PRKG1: variants seen among roughly 807,000 people sequenced by gnomAD.
PRKG1 encodes the protein protein kinase cGMP-dependent 1.
Under a neutral mutation model 88.1 loss-of-function variants are expected in PRKG1, and 35 were observed. The ratio of observed to expected loss-of-function variants is 0.40; its 90% CI spans 0.30 to 0.53. PRKG1 has a LOEUF of 0.53. Among genes scored for constraint, PRKG1 ranks in the 20% least tolerant of loss-of-function variants. PRKG1 has a pLI of 0.59. For missense variants in PRKG1, 540 were observed against 839.8 expected, an observed-to-expected ratio of 0.64 and a Z score of 4.41; for synonymous variants, 303 against 292.5, an observed-to-expected ratio of 1.04 and a Z score of -0.37.
intron 2 of PRKG1, among the ~76,000 whole-genome samples, chr10:51,189,549 C>A (rs374573781): frequency 6.6e-6 from 1 of 151,778 alleles, no homozygotes; most frequent in Admixed American, 6.6e-5. Flanking sequence ...GCTCTAAAAC[C>A]CATATTTATA....
chr10:52,086,790 C>A (rs931748854), intron 7 of PRKG1, among the ~76,000 whole-genome samples: 1 of 152,216 alleles, frequency 6.6e-6, no homozygotes, highest in South Asian at 2.1e-4. Flanking sequence ...TAAATACATA[C>A]CCTAAACTGG....
At chr10:51,982,056 G>A (rs1844023827) in intron 5 of PRKG1, among the ~76,000 whole-genome samples, 1 of 152,034 alleles carries the variant, frequency 6.6e-6, no homozygotes. Flanking sequence ...TTATTTCAGA[G>A]AGCCAGTCTT....
chr10:52,092,483 C>T (rs1211424894), intron 7 of PRKG1, among the ~76,000 whole-genome samples: 1 of 152,040 alleles, frequency 6.6e-6, no homozygotes, highest in Non-Finnish European at 1.5e-5. Flanking sequence ...GATGTGGAAG[C>T]TGCTGATATT....
At chr10:52,129,347 A>G (rs1837193155) in intron 7 of PRKG1, among the ~76,000 whole-genome samples, 1 of 152,220 alleles carries the variant, frequency 6.6e-6, no homozygotes, top group African/African-American at 2.4e-5. Context: ...TAAAAGATAT[A>G]AACATACATA....
At chr10:52,025,812 A>G (rs1049749529) in intron 5 of PRKG1, among the ~76,000 whole-genome samples, 1 of 151,758 alleles carries the variant, frequency 6.6e-6, no homozygotes, top group Non-Finnish European at 1.5e-5. Flanking sequence ...TTTTGATTCC[A>G]TATGAACTTT....
At chr10:51,287,900 G>A (rs1040419383) in intron 2 of PRKG1, among the ~76,000 whole-genome samples, 1 of 152,070 alleles carries the variant, frequency 6.6e-6, no homozygotes, top group South Asian at 2.1e-4. Context: ...TACTCCTACA[G>A]CATAAGATAA....
intron 3 of PRKG1, among the ~76,000 whole-genome samples, chr10:51,617,456 T>C (rs1251470345): frequency 6.6e-6 from 1 of 152,142 alleles, no homozygotes; most frequent in Non-Finnish European, 1.5e-5. Flanking sequence ...TACCAGCACC[T>C]ATCTGCATGT....
chr10:51,392,514 G>A (rs932684544), intron 2 of PRKG1, among the ~76,000 whole-genome samples: 1 of 152,104 alleles, frequency 6.6e-6, no homozygotes, highest in South Asian at 2.1e-4. Context: ...AAAATGAAAA[G>A]TCTCCCATGT....
At chr10:51,095,147 A>G (rs571329283) in intron 1 of PRKG1, among the ~76,000 whole-genome samples, 236 of 152,280 alleles carry the variant, frequency 1.5e-3, no homozygotes, top group Admixed American at 3.6e-3. Context: ...TATGATCTAT[A>G]GTAACATCAC....
chr10:51,956,159 A>C (rs1430706941), intron 5 of PRKG1, among the ~76,000 whole-genome samples: 1 of 152,128 alleles, frequency 6.6e-6, no homozygotes, highest in Non-Finnish European at 1.5e-5. Context: ...TGCAAATGTC[A>C]GTAAAAATTT....
chr10:51,013,481 C>G (rs950224490), intron 1 of PRKG1, among the ~76,000 whole-genome samples: 15 of 152,196 alleles, frequency 9.9e-5, no homozygotes, highest in African/African-American at 3.6e-4. Flanking sequence ...ACCTTCACCT[C>G]TTGGATACAA....
chr10:52,134,485 C>T (rs929196693), intron 8 of PRKG1, among the ~76,000 whole-genome samples: 1 of 152,102 alleles, frequency 6.6e-6, no homozygotes, highest in Non-Finnish European at 1.5e-5. Flanking sequence ...TTCTGGCTTG[C>T]TCTTTTCATT....
Position 51,553,374 on chromosome 10 carries a change from G to C in PRKG1, c.592+85538G>C, listed in dbSNP as rs143616786. ...TATTTGGCCATGGGAAAATAGTATA[G>C]GTGGTTTTCATGCTTTTTTGTGTGT... On this transcript the variant is annotated intron_variant, in intron 3 of 17. Transcript: ENST00000373980. 7.1e-3 allele frequency among the ~76,000 whole-genome samples: 1,073 copies of C among 151,734 alleles called. 17 individuals are homozygous for C. Among genetic ancestry groups the C allele is most frequent in the Middle Eastern group, 0.048 (14 of 294 alleles).
intron 1 of PRKG1, among the ~76,000 whole-genome samples, chr10:51,055,692 C>T (rs941999058): frequency 3.3e-5 from 5 of 151,716 alleles, no homozygotes; most frequent in Admixed American, 1.3e-4. Flanking sequence ...GAGGGGAGAT[C>T]GTGCCACTGC....
At chr10:52,030,611 C>T (rs188578433) in intron 5 of PRKG1, among the ~76,000 whole-genome samples, 1 of 152,212 alleles carries the variant, frequency 6.6e-6, no homozygotes, top group Admixed American at 6.5e-5. Flanking sequence ...AACAGTTTGG[C>T]AGCAAGGGAA....
intron 4 of PRKG1, among the ~76,000 whole-genome samples, chr10:51,901,466 A>G (rs1161229883): frequency 6.6e-6 from 1 of 152,212 alleles, no homozygotes; most frequent in Non-Finnish European, 1.5e-5. Flanking sequence ...ATGCAGTGCA[A>G]TAATTTCTTT....
In PRKG1 at chr10:51,394,815, G is replaced by T. The variant is rs115225669; in HGVS notation, c.479-72908G>T. ...GTGAAATAACTGGGGTATCAATCAA[G>T]GGCTCAAACCCAGAAGGTCTTCTTC... On this transcript the variant is annotated intron_variant, in intron 2 of 17. Coordinates refer to ENST00000373980, the MANE Select transcript of PRKG1 (RefSeq NM_006258.4). 2.8e-3 allele frequency among the ~76,000 whole-genome samples: 428 copies of T among 152,258 alleles called. 2 individuals carry two copies. Among genetic ancestry groups the T allele is most frequent in the African/African-American group, 9.9e-3 (413 of 41,556 alleles).
At position 52,268,588 on chromosome 10, in the gene PRKG1, A is replaced by T. The variant is rs200913131; in HGVS notation, c.1174-2762A>T. ...TATCTCACAGTCCATGAGTTAGTCG[A>T]TTCCGTTAAACTCTGATTTGCAAAG... On this transcript the variant is annotated intron_variant, in intron 10 of 17. Coordinates refer to ENST00000373980, the MANE Select transcript of PRKG1 (RefSeq NM_006258.4). 2.2e-4 allele frequency among the ~76,000 whole-genome samples: 34 copies of T among 152,138 alleles called. No homozygotes were observed. The East Asian group carries it at 6.0e-3, about 27-fold the overall frequency.
intron 5 of PRKG1, among the ~76,000 whole-genome samples, chr10:52,030,195 G>A (rs1338714444): frequency 3.9e-5 from 6 of 152,174 alleles, no homozygotes; most frequent in Non-Finnish European, 8.8e-5. Flanking sequence ...ATACTGAGAA[G>A]TTTGTTGTTC....
Sources: gnomAD v4.1 joint callset for allele counts (sites outside exome capture counted in the v4.1 genomes callset) on GRCh38, gnomAD v4.1.1 for gene constraint, MANE v1.5 for transcripts, NCBI Gene and HGNC (gene_info 2026-07-23, HGNC 2026-07-21) for gene names.